Variants in DCAF6 observed in about 807,000 individuals in gnomAD.
DCAF6 encodes DDB1 and CUL4 associated factor 6.
Under a neutral mutation model 125.1 loss-of-function variants are expected in DCAF6, and 54 were observed. The observed-to-expected ratio is 0.43, with a 90% confidence interval of 0.35 to 0.54. The LOEUF is 0.54. DCAF6 is among the 20% of genes least tolerant of loss of function. DCAF6 has a pLI of 0.01. For synonymous variants in DCAF6, 371 were observed against 390.4 expected (o/e 0.95, Z 0.58); for missense variants, 934 against 1,161.7 (o/e 0.80, Z 2.85).
the DCAF6 span, chr1:167,920,646 A>G: frequency 1.2e-6 from 2 of 1,602,434 alleles, no homozygotes; most frequent in South Asian, 2.3e-5. Context: ...ACATTAACGC[A>G]TAGAAAGAAA....
At chr1:167,956,832 A>G (rs554668092) in intron 2 of DCAF6, among the ~76,000 whole-genome samples, 5 of 152,090 alleles carry the variant, frequency 3.3e-5, no homozygotes, top group South Asian at 4.1e-4. Flanking sequence ...TGTTATTTCT[A>G]TGGCCATCTG....
At chr1:167,993,138 C>A in intron 6 of DCAF6, 88 bp from the exon 7 acceptor site, 1 of 1,117,506 alleles carries the variant, frequency 8.9e-7, no homozygotes, top group Non-Finnish European at 1.3e-6. Flanking sequence ...TACATTAAGT[C>A]ACATGTAATA....
chr1:167,961,618 A>G (rs577696149), intron 2 of DCAF6, among the ~76,000 whole-genome samples: 41 of 152,212 alleles, frequency 2.7e-4, no homozygotes, highest in East Asian at 9.6e-4. Context: ...TTCTTTTCCA[A>G]TCTTCATACT....
Position 167,937,746 on chromosome 1 carries a change from AT to A in DCAF6, c.97+748del, listed in dbSNP as rs142854521. Among the ~76,000 whole-genome samples, 90 of 149,766 alleles carry A rather than the reference AT, an allele frequency of 6.0e-4. 1 individual carries two copies. Among genetic ancestry groups the A allele is most frequent in the African/African-American group, 1.9e-3 (79 of 40,958 alleles). Reference sequence around the variant, plus strand: ...TTCCACTTTTTTCGTTTTGCATAACATTTTTTTTTTGAGGATTCTAGGTCAC... The same window carrying A: ...TTCCACTTTTTTCGTTTTGCATAACATTTTTTTTTGAGGATTCTAGGTCAC... On this transcript the variant is annotated intron_variant, in intron 1 of 21. Transcript: ENST00000367840.
At chr1:168,073,967 G>GTATTGAATACATTTATAAATATGTATTC (rs1693471368) in intron 21 of DCAF6, among the ~76,000 whole-genome samples, 3 of 142,824 alleles carry the variant, frequency 2.1e-5, no homozygotes, top group Non-Finnish European at 4.6e-5. Context: ...AATATGTATT[G>GTATTGAATACATTTATAAATATGTATTC]AATACATATT....
At chr1:168,028,709 A>G (rs1293714839) in intron 12 of DCAF6, among the ~76,000 whole-genome samples, 1 of 152,180 alleles carries the variant, frequency 6.6e-6, no homozygotes, top group African/African-American at 2.4e-5. Flanking sequence ...TGGGAAATGG[A>G]AAAGTTGGAC....
At chr1:168,047,702 ATG>A (rs920179792) in intron 16 of DCAF6, among the ~76,000 whole-genome samples, 70 of 151,738 alleles carry the variant, frequency 4.6e-4, no homozygotes, top group African/African-American at 1.2e-3. Flanking sequence ...TTATATATAT[ATG>A]TGTGTGTGTG....
At position 167,991,314 on chromosome 1, in the gene DCAF6, G is replaced by C; in HGVS notation, c.663G>C (p.Arg221=). ...CSDSSVRIYD[R]RMLGTRATGN... ...ACAGCTCAGTACGAATATATGATCGGCGAATGCTGGGCACAAGAGCTACAG... is the reference window on the plus strand; with the variant it reads ...ACAGCTCAGTACGAATATATGATCGCCGAATGCTGGGCACAAGAGCTACAG... The change falls in exon 6 of 22, where the codon CGG becomes CGC. Residue 221 remains arginine, a synonymous_variant. Coordinates refer to ENST00000367840, the MANE Select transcript of DCAF6 (RefSeq NM_001198956.2). The C allele has an allele frequency of 6.2e-7, 1 of 1,612,634 alleles. No homozygotes were observed. Among genetic ancestry groups the C allele is most frequent in the South Asian group, 1.1e-5 (1 of 90,854 alleles).
At chr1:167,989,653 C>A (rs954175519) in intron 5 of DCAF6, among the ~76,000 whole-genome samples, 81 of 152,076 alleles carry the variant, frequency 5.3e-4, no homozygotes, top group Non-Finnish European at 9.0e-4. Flanking sequence ...GAGGCTGAGG[C>A]GGGCAGATCA....
Position 168,065,643 on chromosome 1 carries a change from T to C in DCAF6, c.2493T>C (p.Cys831=). 3 of 1,613,220 alleles carry C rather than the reference T, an allele frequency of 1.9e-6. No homozygotes were observed. Among genetic ancestry groups the C allele is most frequent in the Non-Finnish European group, 2.5e-6 (3 of 1,179,426 alleles). ...GANFVMSGSD[C]GHIFIWDRHT... is the part of the protein sequence containing the mutation. The stretch of plus-strand genomic sequence containing the variant: ...ACTTTGTAATGAGTGGTTCTGACTG[T>C]GGCCACATTTTCATCTGGGATCGGC... The change falls in exon 19 of 22, where the codon TGT becomes TGC. Residue 831 remains cysteine, a synonymous_variant. Coordinates refer to ENST00000367840, the MANE Select transcript of DCAF6 (RefSeq NM_001198956.2).
At position 168,065,787 on chromosome 1, in the gene DCAF6, T is replaced by C. The variant is rs399096; in HGVS notation, c.2596+41T>C. Reference sequence around the variant, plus strand: ...TAGGACGAGGGCTAGAAATTATTTGTATGACTCATCAGTCATACAAAATTA... The same window carrying C: ...TAGGACGAGGGCTAGAAATTATTTGCATGACTCATCAGTCATACAAAATTA... On this transcript the variant is annotated intron_variant, in intron 19 of 21. Transcript: ENST00000367840. 1.3e-4 allele frequency: 201 copies of C among 1,565,666 alleles called. No homozygotes were observed. The African/African-American group carries it at 2.2e-3, about 17-fold the overall frequency.
rs114067869 is a variant in DCAF6, at chr1:168,057,694, T to C, written c.2301-5927T>C. Among the ~76,000 whole-genome samples, 427 of 152,284 alleles carry C rather than the reference T, an allele frequency of 2.8e-3. 2 individuals carry two copies. The highest frequency in any genetic ancestry group is 9.9e-3 in the African/African-American group (412 of 41,564). ...GTTCAGTGGGATACACAGACACATA[T>C]ACATAGTTACAATACAGTAATTGCA... On this transcript the variant is annotated intron_variant, in intron 17 of 21. Transcript: ENST00000367840.
At chr1:167,942,993 G>A (rs1469718662) in intron 1 of DCAF6, among the ~76,000 whole-genome samples, 2 of 151,872 alleles carry the variant, frequency 1.3e-5, no homozygotes, top group African/African-American at 4.8e-5. Context: ...TACAAGCTCC[G>A]CCTCCTGGGT....
intron 2 of DCAF6, among the ~76,000 whole-genome samples, chr1:167,954,046 T>C (rs1279729955): frequency 6.6e-6 from 1 of 151,994 alleles, no homozygotes; most frequent in Non-Finnish European, 1.5e-5. Flanking sequence ...TCACTCCGTC[T>C]TCCAGGCTGG....
At chr1:167,953,431 A>G (rs1254363194) in intron 2 of DCAF6, among the ~76,000 whole-genome samples, 1 of 152,102 alleles carries the variant, frequency 6.6e-6, no homozygotes, top group Non-Finnish European at 1.5e-5. Flanking sequence ...AAACCAATTT[A>G]TTTGTTCATA....
intron 2 of DCAF6, among the ~76,000 whole-genome samples, chr1:167,965,930 C>T (rs191713298): frequency 1.3e-5 from 2 of 152,270 alleles, no homozygotes; most frequent in East Asian, 1.9e-4. Flanking sequence ...CCACCGCGCC[C>T]GGCCTTCCCT....
At chr1:168,063,499 G>A in intron 17 of DCAF6, 122 bp from the exon 18 acceptor site, 2 of 741,126 alleles carry the variant, frequency 2.7e-6, no homozygotes, top group South Asian at 6.3e-5. Flanking sequence ...TTTGGTTGGG[G>A]GTGCCTTATT....
intron 1 of DCAF6, among the ~76,000 whole-genome samples, chr1:167,942,237 T>C (rs1431518504): frequency 6.6e-6 from 1 of 152,102 alleles, no homozygotes; most frequent in African/African-American, 2.4e-5. Context: ...GCTAATGTTG[T>C]ATTTTTAGTA....
chr1:167,992,284 A>ACACACACACACAC (rs1557943229), intron 6 of DCAF6, among the ~76,000 whole-genome samples: 1 of 82,064 alleles, frequency 1.2e-5, no homozygotes, highest in Non-Finnish European at 2.7e-5. Flanking sequence ...CACACACACA[A>ACACACACACACAC]ACACCGAATG....
Sources: allele counts gnomAD v4.1 joint callset (sites outside exome capture counted in the v4.1 genomes callset), GRCh38; gene constraint gnomAD v4.1.1; transcripts MANE v1.5; gene names NCBI Gene and HGNC (gene_info 2026-07-23, HGNC 2026-07-21).